Variants in ADGRL1 observed in about 807,000 individuals in gnomAD.
The protein encoded by ADGRL1 is CIRL-1.
ADGRL1 carries 31 observed loss-of-function variants against 148.9 expected under a neutral mutation model. The ratio of observed to expected loss-of-function variants is 0.21; its 90% CI spans 0.16 to 0.28. The LOEUF (loss-of-function observed/expected upper bound fraction) is 0.28. Among genes scored for constraint, ADGRL1 ranks in the 10% least tolerant of loss-of-function variants. The pLI, the probability that ADGRL1 is intolerant of heterozygous loss-of-function variation, is 1.00. For missense variants in ADGRL1, 1,521 were observed against 2,058.8 expected (o/e 0.74, Z 5.05); for synonymous variants, 937 against 900.3 (o/e 1.04, Z -0.73).
At chr19:14,184,629 TATTTATTTATTTATTTA>T (rs1971452787) in intron 1 of ADGRL1, among the ~76,000 whole-genome samples, 1 of 96,276 alleles carries the variant, frequency 1.0e-5, no homozygotes, top group African/African-American at 4.0e-5. Flanking sequence ...TTTATTTATT[TATTTATTTATTTATTTA>T]TTTTTTTTTC....
chr19:14,197,598 T>C (rs552322922), intron 1 of ADGRL1, among the ~76,000 whole-genome samples: 1 of 152,312 alleles, frequency 6.6e-6, no homozygotes, highest in East Asian at 1.9e-4. Context: ...ACACAGTTCC[T>C]TATTCTGCTC....
intron 2 of ADGRL1, among the ~76,000 whole-genome samples, chr19:14,183,216 A>AGAGC (rs1555790223): frequency 3.3e-5 from 5 of 150,446 alleles, no homozygotes; most frequent in African/African-American, 1.2e-4. Context: ...AGAGAGAGAG[A>AGAGC]GCGAGAGAGA....
chr19:14,151,340 C>T lies in ADGRL1; in HGVS notation c.3943G>A (p.Glu1315Lys), dbSNP rs1322668934. Residue 1315 changes from glutamate (E) to lysine (K), a missense_variant, in exon 23 of 23, where the codon GAA (glutamate) becomes AAA (lysine). By Grantham distance (56) the Glu-to-Lys change is moderately conservative. Coordinates refer to ENST00000361434, the MANE Select transcript of ADGRL1 (RefSeq NM_014921.5). ...GCACCCCCGGGCCCGCCCGCCTCTTCCTCGCCCCCGCCCCCTGGCACAGGT... is the reference window on the plus strand; with the variant it reads ...GCACCCCCGGGCCCGCCCGCCTCTTTCTCGCCCCCGCCCCCTGGCACAGGT... ...VPPVPGGGGE[E>K]EAGGPGGADR... 1.2e-6 allele frequency: 2 copies of T among 1,600,392 alleles called. No individual in the cohort carries two copies.
chr19:14,174,014 C>G (rs935481637), intron 3 of ADGRL1, among the ~76,000 whole-genome samples: 2 of 150,062 alleles, frequency 1.3e-5, no homozygotes, highest in South Asian at 4.2e-4. Context: ...GGGGACTCAG[C>G]GGAGAGGAAG....
At chr19:14,163,498 G>T in intron 4 of ADGRL1, 92 bp from the exon 5 acceptor site, 3 of 948,400 alleles carry the variant, frequency 3.2e-6, no homozygotes, top group South Asian at 1.8e-5. Flanking sequence ...GAGAGAGAGA[G>T]GGGGGAGAGA....
Position 14,155,781 on chromosome 19 carries a change from G to A in ADGRL1, c.3126-254C>T, listed in dbSNP as rs1968666523. ...CAGTTATTCCTCTGCCAACTTCATT[G>A]TTTCTGCTAAATTTCCAGACCACTT... On this transcript the variant is annotated intron_variant, in intron 17 of 22. Coordinates refer to ENST00000361434, the MANE Select transcript of ADGRL1 (RefSeq NM_014921.5). This position sits in a 1 kb window ranked among gnomAD's most constrained non-coding sequence, Gnocchi z 5.0. The A allele has an allele frequency of 1.7e-6, 1 of 576,838 alleles. No individual in the cohort carries two copies. The highest frequency in any genetic ancestry group is 3.1e-5 in the Admixed American group (1 of 32,382). The allele number at this position is 576,838 out of a possible 1,614,324, so 35.7% of individuals were successfully genotyped here. A position where few individuals can be genotyped will look rare whatever the true frequency, so the allele number is the denominator to read the frequency against.
At chr19:14,167,105 AG>A (rs1970048328) in intron 4 of ADGRL1, 7 of 1,318,910 alleles carry the variant, frequency 5.3e-6, no homozygotes, top group Non-Finnish European at 7.6e-6. Context: ...AGAAAAAAAA[AG>A]AGATTAAATT....
At position 14,183,598 on chromosome 19, in the gene ADGRL1, G is replaced by T; in HGVS notation, c.5C>A (p.Ala2Asp). The T allele has an allele frequency of 6.3e-7, 1 of 1,575,578 alleles. No homozygotes were observed. Among genetic ancestry groups the T allele is most frequent in the Non-Finnish European group, 8.6e-7 (1 of 1,160,252 alleles). ...ATTCCAGAGCACTGCGGCTAGGCGG[G>T]CCATGGTGGCAGCCGGGTGCGTGTC... M[A>D]RLAAVLWNLC... The change falls in exon 2 of 23, where the codon GCC becomes GAC. Residue 2 changes from alanine to aspartate, a missense_variant. Coordinates refer to ENST00000361434, the MANE Select transcript of ADGRL1 (RefSeq NM_014921.5).
Position 14,161,598 on chromosome 19 carries a change from C to G in ADGRL1, c.1224G>C (p.Thr408=). 7.1e-7 allele frequency: 1 copy of G among 1,418,162 alleles called. No individual in the cohort carries two copies. The highest frequency in any genetic ancestry group is 9.2e-7 in the Non-Finnish European group (1 of 1,089,374). 87.8% of individuals were successfully genotyped at this position (1,418,162 alleles called of 1,614,324 possible). ...GGGGCGTGGGCCTGGCTGTGGTGGT[C>G]GTGCTGAGGGGTGGGGAAGTGGCTG... ...AGPATSPPLS[T]TTTARPTPLT... is the part of the protein sequence containing the mutation. Residue 408 remains threonine (T), a synonymous_variant, in exon 6 of 23, where the codon ACG becomes ACC. Transcript: ENST00000361434. The surrounding 1 kb of genome is among the most constrained non-coding windows in gnomAD (Gnocchi z 4.4).
At position 14,149,793 on chromosome 19, in the gene ADGRL1, C is replaced by A; in HGVS notation, c.*1080G>T. The A allele has an allele frequency of 6.6e-6, 1 of 152,504 alleles. No individual in the cohort carries two copies. Among genetic ancestry groups the A allele is most frequent in the East Asian group, 1.9e-4 (1 of 5,158 alleles). The allele number at this position is 152,504 out of a possible 1,614,324, so 9.4% of individuals were successfully genotyped here. A position where few individuals can be genotyped will look rare whatever the true frequency, so the allele number is the denominator to read the frequency against. ...GGCGGCCCGCCCGCCCCGGCGGGGACTGGGGATGCACGTACACGGAGAAGT... is the reference window on the plus strand; with the variant it reads ...GGCGGCCCGCCCGCCCCGGCGGGGAATGGGGATGCACGTACACGGAGAAGT... On this transcript the variant is annotated 3_prime_UTR_variant, in exon 23 of 23. Transcript: ENST00000361434.
At position 14,150,903 on chromosome 19, in the gene ADGRL1, G is replaced by A. The variant is rs749045771; in HGVS notation, c.4380C>T (p.Asp1460=). ...GACTGGTGACCAGCTGCATCTGCCC[G>A]TCCCCATCGGGCCCTGGCCCCTCAA... ...PGLEGPGPDG[D]GQMQLVTSL Residue 1460 remains aspartate (D), a synonymous_variant, in exon 23 of 23, where the codon GAC becomes GAT. Transcript: ENST00000361434. 38 of 1,612,108 alleles carry A rather than the reference G, an allele frequency of 2.4e-5. No homozygotes were observed. Among genetic ancestry groups the A allele is most frequent in the Admixed American group, 2.2e-4 (13 of 59,958 alleles).
At chr19:14,192,891 T>G (rs1972032386) in intron 1 of ADGRL1, among the ~76,000 whole-genome samples, 1 of 152,126 alleles carries the variant, frequency 6.6e-6, no homozygotes, top group Non-Finnish European at 1.5e-5. Flanking sequence ...TGGAAACTCC[T>G]GAGGCTGGAA....
chr19:14,157,961 A>G lies in ADGRL1; in HGVS notation c.2456T>C (p.Val819Ala). 6.2e-7 allele frequency: 1 copy of G among 1,614,206 alleles called. No individual in the cohort carries two copies. The highest frequency in any genetic ancestry group is 8.5e-7 in the Non-Finnish European group (1 of 1,180,018). The change falls in exon 13 of 23, where the codon GTG becomes GCG. Residue 819 changes from valine to alanine, a missense_variant. Transcript: ENST00000361434. This position sits in a 1 kb window ranked among gnomAD's most constrained non-coding sequence, Gnocchi z 7.5. ...CGTGGTATGGGTCTTGTTGGACTCC[A>G]CCAGGCGGCAGCCTTGGGTCGACCA... Reference protein sequence around the residue: ...GYWSTQGCRLVESNKTHTTCA... With the variant: ...GYWSTQGCRLAESNKTHTTCA...
chr19:14,158,578 G>GC, intron 11 of ADGRL1, 26 bp from the exon 12 acceptor site: 1 of 1,583,210 alleles, frequency 6.3e-7, no homozygotes, highest in Non-Finnish European at 8.7e-7. Flanking sequence ...ACGTTTGGAT[G>GC]TGTCAGCATC....
At chr19:14,166,986 A>G in intron 4 of ADGRL1, 1 of 1,609,976 alleles carries the variant, frequency 6.2e-7, no homozygotes, top group Non-Finnish European at 8.5e-7. Context: ...AGTGTGAGTT[A>G]GGGGTTAGCA....
chr19:14,185,593 A>G (rs1004477167), intron 1 of ADGRL1, among the ~76,000 whole-genome samples: 1 of 152,142 alleles, frequency 6.6e-6, no homozygotes, highest in African/African-American at 2.4e-5. Context: ...TGTGCTGGCC[A>G]GAAACACACA....
intron 1 of ADGRL1, among the ~76,000 whole-genome samples, chr19:14,203,703 C>T (rs1972768417): frequency 6.6e-6 from 1 of 152,166 alleles, no homozygotes; most frequent in South Asian, 2.1e-4. Flanking sequence ...CCCCCTTCCA[C>T]CCCCTCCCTG....
intron 16 of ADGRL1, 82 bp downstream of exon 16, chr19:14,156,576 G>C: frequency 1.1e-6 from 1 of 889,898 alleles, no homozygotes; most frequent in South Asian, 1.5e-5. Context: ...TGGGGGGGGT[G>C]GGGGGCGGGG....
At chr19:14,177,968 G>A (rs1387692533) in intron 2 of ADGRL1, among the ~76,000 whole-genome samples, 2 of 152,206 alleles carry the variant, frequency 1.3e-5, no homozygotes, top group Non-Finnish European at 2.9e-5. Context: ...CTCCTAGGAA[G>A]TGACGTCTGA....
Sources: allele counts gnomAD v4.1 joint callset (sites outside exome capture counted in the v4.1 genomes callset), GRCh38; gene constraint gnomAD v4.1.1; non-coding constraint Gnocchi (gnomAD v3.1); transcripts MANE v1.5; gene names NCBI Gene and HGNC (gene_info 2026-07-23, HGNC 2026-07-21).